STKLD1: variants seen among roughly 807,000 people sequenced by gnomAD.
STKLD1 encodes serine/threonine kinase-like domain-containing protein STKLD1.
Under a neutral mutation model 80.4 loss-of-function variants are expected in STKLD1, and 79 were observed. The observed-to-expected ratio is 0.98, with a 90% confidence interval of 0.82 to 1.19. The LOEUF (loss-of-function observed/expected upper bound fraction) is 1.19. STKLD1 is among the 50% of genes most tolerant of loss of function. The pLI, the probability that STKLD1 is intolerant of heterozygous loss-of-function variation, is 0.00. For synonymous variants in STKLD1, 393 were observed against 357.6 expected (o/e 1.10, Z -1.12); for missense variants, 841 against 856.0 (o/e 0.98, Z 0.22).
rs1405651102 is a variant in STKLD1 at position 133,385,000 on chromosome 9, G to A, written c.220-617G>A. ...GACCGAAGCACAGTGGTGGGCCCAG[G>A]CTACTCGGTAACAAATGGGAAGAAA... On this transcript the variant is annotated intron_variant, in intron 3 of 17. Transcript: ENST00000371957. This position sits in a 1 kb window ranked among gnomAD's most constrained non-coding sequence, Gnocchi z 4.3. 1.3e-5 allele frequency among the ~76,000 whole-genome samples: 2 copies of A among 152,182 alleles called. No individual in the cohort carries two copies. Among genetic ancestry groups the A allele is most frequent in the Non-Finnish European group, 2.9e-5 (2 of 68,026 alleles).
chr9:133,398,158 C>T (rs934411302), intron 11 of STKLD1, 103 bp downstream of exon 11: 21 of 1,073,824 alleles, frequency 2.0e-5, no homozygotes, highest in South Asian at 5.8e-5. Context: ...GGGCTCTCCT[C>T]GCCAGTGCTT....
rs2130247350 is a variant in STKLD1 at position 133,376,415 on chromosome 9, T to C, written c.-59T>C. On this transcript the variant is annotated 5_prime_UTR_variant, in exon 1 of 18. Transcript: ENST00000371957. ...GCGGGGAGGATCCCGCGGGTCCCAC[T>C]GACCCACGCGGGGTGGGGCCAGGGG... 4.4e-5 allele frequency: 65 copies of C among 1,484,352 alleles called. 2 individuals carry two copies. The Admixed American group carries it at 1.6e-3, about 37-fold the overall frequency. 91.9% of individuals were successfully genotyped at this position (1,484,352 alleles called of 1,614,324 possible).
At position 133,401,781 on chromosome 9, in the gene STKLD1, C is replaced by T. The variant is rs1226468650; in HGVS notation, c.1242C>T (p.Ala414=). The change falls in exon 13 of 18, where the codon GCC becomes GCT. Residue 414 remains alanine, a synonymous_variant. Transcript: ENST00000371957. ...HPEAKAPCNQ[A]ITSTLLSALQ... is the part of the protein sequence containing the mutation. ...AAGCCAAGGCTCCCTGCAACCAAGC[C>T]ATCACCTCCACCCTGCTGAGTGCTC... The T allele has an allele frequency of 3.1e-6, 5 of 1,613,502 alleles. No individual in the cohort carries two copies. Among genetic ancestry groups the T allele is most frequent in the Non-Finnish European group, 4.2e-6 (5 of 1,179,996 alleles).
intron 14 of STKLD1, 44 bp downstream of exon 14, chr9:133,403,056 T>C (rs1588757919): frequency 1.3e-6 from 2 of 1,523,496 alleles, no homozygotes; most frequent in South Asian, 1.2e-5. Context: ...CTGGCAGCCC[T>C]CCCCCAGCCC....
rs374471690 is a variant in STKLD1 at position 133,404,896 on chromosome 9, G to A, written c.1840G>A (p.Val614Met). ...GGACGACCCGGAGGTGGTGGAGAAC[G>A]TGGGCATGCTGCTGGTCCACCTGGC... ...HRDDPEVVEN[V>M]GMLLVHLASY... The change falls in exon 17 of 18, where the codon GTG (valine) becomes ATG (methionine). Residue 614 changes from valine (V) to methionine (M), a missense_variant. By Grantham distance (21) the Val-to-Met change is conservative (BLOSUM62 1). Coordinates refer to ENST00000371957, the MANE Select transcript of STKLD1 (RefSeq NM_153710.5). The A allele has an allele frequency of 5.0e-6, 8 of 1,613,464 alleles. No homozygotes were observed. Among genetic ancestry groups the A allele is most frequent in the Admixed American group, 1.7e-5 (1 of 59,960 alleles).
At chr9:133,402,026 C>T (rs1309382897) in intron 13 of STKLD1, 148 bp downstream of exon 13, 9 of 969,226 alleles carry the variant, frequency 9.3e-6, no homozygotes, top group Non-Finnish European at 1.3e-5. Context: ...TGGCCGTCTT[C>T]ATTTGGCCAC....
chr9:133,397,032 C>A, intron 9 of STKLD1, 132 bp from the exon 10 acceptor site: 1 of 1,342,428 alleles, frequency 7.4e-7, no homozygotes, highest in Non-Finnish European at 1.0e-6. Context: ...CCAAATGAAT[C>A]CCAAAACAGG....
chr9:133,389,590 T>A lies in STKLD1; in HGVS notation c.461T>A (p.Ile154Asn). The stretch of plus-strand genomic sequence containing the variant: ...GAATACCTGCACCATTTGGACATCA[T>A]CCACAGGTAAGTGGGGCCCCTGACC... ...ALEYLHHLDI[I>N]HRNLKPSNII... The change falls in exon 6 of 18, where the codon ATC becomes AAC. Residue 154 changes from isoleucine to asparagine, a missense_variant. By Grantham distance (149) the Ile-to-Asn change is moderately radical. Transcript: ENST00000371957. This position sits in a 1 kb window ranked among gnomAD's most constrained non-coding sequence, Gnocchi z 6.4. 2 of 1,613,364 alleles carry A rather than the reference T, an allele frequency of 1.2e-6. No homozygotes were observed. Among genetic ancestry groups the A allele is most frequent in the Non-Finnish European group, 1.7e-6 (2 of 1,179,886 alleles).
chr9:133,399,621 A>T (rs1554777266), intron 11 of STKLD1, among the ~76,000 whole-genome samples: 1 of 152,196 alleles, frequency 6.6e-6, no homozygotes, highest in African/African-American at 2.4e-5. Flanking sequence ...CATGCCTGTA[A>T]TCCCAGCACT....
rs1838252005 is a variant in STKLD1, at chr9:133,385,785, CAG to C, written c.294+96_294+97del. Reference sequence around the variant, plus strand: ...CCAGAGCACGCCCACCCCCCACTGTCAGAATAGCTCGTGTGGCAATGGCAGTG... The same window carrying C: ...CCAGAGCACGCCCACCCCCCACTGTCAATAGCTCGTGTGGCAATGGCAGTG... On this transcript the variant is annotated intron_variant, in intron 4 of 17. Transcript: ENST00000371957. The surrounding 1 kb of genome is among the most constrained non-coding windows in gnomAD (Gnocchi z 4.9). 2 of 1,164,260 alleles carry C rather than the reference CAG, an allele frequency of 1.7e-6. No individual in the cohort carries two copies. The highest frequency in any genetic ancestry group is 1.5e-5 in the African/African-American group (1 of 66,284). The allele number at this position is 1,164,260 out of a possible 1,614,324, so 72.1% of individuals were successfully genotyped here.
At position 133,395,585 on chromosome 9, in the gene STKLD1, CCT is replaced by C. The variant is rs1838538615; in HGVS notation, c.703-9_703-8del. Reference sequence around the variant, plus strand: ...TACTTAAGGGAATACACAGAGCTGTCCTCTCTCCGTGCAGGGCACAGAAGCCA... The same window carrying C: ...TACTTAAGGGAATACACAGAGCTGTCCTCTCCGTGCAGGGCACAGAAGCCA... On this transcript the variant is annotated splice_polypyrimidine_tract_variant and intron_variant, in intron 8 of 17. Transcript: ENST00000371957. 1.2e-6 allele frequency: 2 copies of C among 1,612,094 alleles called. No individual in the cohort carries two copies. The highest frequency in any genetic ancestry group is 1.7e-6 in the Non-Finnish European group (2 of 1,179,580).
At chr9:133,379,458 A>G (rs972062972) in intron 2 of STKLD1, among the ~76,000 whole-genome samples, 2 of 152,240 alleles carry the variant, frequency 1.3e-5, no homozygotes, top group Non-Finnish European at 2.9e-5. Context: ...AGTGAGGCTC[A>G]ATGCAGCGCC....
At position 133,402,910 on chromosome 9, in the gene STKLD1, G is replaced by T. The variant is rs587671240; in HGVS notation, c.1372G>T (p.Ala458Ser). ...GTCACTGTCAGAGGAGCTGCAGAAT[G>T]CTGGGCTGCTGGAGCACATCCTGGA... ...SESLSEELQNAGLLEHILEHL... is the reference protein window; with the variant it reads ...SESLSEELQNSGLLEHILEHL... The change falls in exon 14 of 18, where the codon GCT becomes TCT. Residue 458 changes from alanine (A) to serine (S), a missense_variant. By Grantham distance (99) the Ala-to-Ser change is moderately conservative. Coordinates refer to ENST00000371957, the MANE Select transcript of STKLD1 (RefSeq NM_153710.5). 1 of 1,587,456 alleles carries T rather than the reference G, an allele frequency of 6.3e-7. No homozygotes were observed. Among genetic ancestry groups the T allele is most frequent in the East Asian group, 2.3e-5 (1 of 43,376 alleles).
intron 5 of STKLD1, chr9:133,388,777 CTG>C: frequency 2.0e-6 from 2 of 985,434 alleles, no homozygotes; most frequent in Non-Finnish European, 2.4e-6. Flanking sequence ...ACCCTGAGAA[CTG>C]TGTTTGGGGG....
intron 7 of STKLD1, among the ~76,000 whole-genome samples, chr9:133,391,237 G>T (rs1046221829): frequency 6.8e-6 from 1 of 147,936 alleles, no homozygotes; most frequent in Admixed American, 6.6e-5. Flanking sequence ...GGAGGGAGGT[G>T]GGGGGGTCAG....
intron 5 of STKLD1, chr9:133,388,843 G>T: frequency 1.0e-6 from 1 of 985,354 alleles, no homozygotes. Flanking sequence ...TCTTACCATG[G>T]GCCTCAGAGG....
chr9:133,387,573 C>T (rs1564377624), intron 5 of STKLD1, 25 bp downstream of exon 5: 1 of 1,588,176 alleles, frequency 6.3e-7, no homozygotes, highest in African/African-American at 1.3e-5. Context: ...GGCACCAGGC[C>T]TGGGGGCCAC....
intron 17 of STKLD1, 86 bp from the exon 18 acceptor site, chr9:133,405,166 A>G: frequency 6.8e-7 from 1 of 1,477,862 alleles, no homozygotes; most frequent in Non-Finnish European, 9.1e-7. Context: ...CCAAGGGGGA[A>G]TGTGACCCAC....
Position 133,389,567 on chromosome 9 carries a change from A to G in STKLD1, c.438A>G (p.Glu146=), listed in dbSNP as rs1838336085. The change falls in exon 6 of 18, where the codon GAA becomes GAG. Residue 146 remains glutamate, a synonymous_variant. Transcript: ENST00000371957. This position sits in a 1 kb window ranked among gnomAD's most constrained non-coding sequence, Gnocchi z 6.4. ...TGGGCCAGGTGCTGGACGCGCTGGA[A>G]TACCTGCACCATTTGGACATCATCC... ...NVLGQVLDAL[E]YLHHLDIIHR... is the part of the protein sequence containing the mutation. 2 of 1,613,334 alleles carry G rather than the reference A, an allele frequency of 1.2e-6. No homozygotes were observed. The highest frequency in any genetic ancestry group is 1.3e-5 in the African/African-American group (1 of 74,886).
Sources: allele counts gnomAD v4.1 joint callset (sites outside exome capture counted in the v4.1 genomes callset), GRCh38; gene constraint gnomAD v4.1.1; non-coding constraint Gnocchi (gnomAD v3.1); transcripts MANE v1.5; gene names NCBI Gene and HGNC (gene_info 2026-07-23, HGNC 2026-07-21).